The following CADM2 variants were observed in gnomAD, a reference collection of about 807,000 sequenced individuals.
CADM2 encodes the protein immunoglobulin superfamily member 4D.
A neutral mutation model predicts 49.8 loss-of-function variants in CADM2; 12 were observed. That is an observed-to-expected ratio of 0.24 (90% CI 0.15 to 0.39). CADM2 has a LOEUF of 0.39. Ranked by LOEUF, CADM2 falls within the 10% of genes least tolerant of loss-of-function variation. CADM2 has a pLI of 1.00. For missense variants in CADM2, 378 were observed against 492.3 expected (o/e 0.77, Z 2.20); for synonymous variants, 214 against 175.4 (o/e 1.22, Z -1.74).
chr3:85,980,670 A>G (rs1227503999), intron 8 of CADM2, among the ~76,000 whole-genome samples: 1 of 151,592 alleles, frequency 6.6e-6, no homozygotes, highest in African/African-American at 2.4e-5. Context: ...TTATAATATT[A>G]TGTAAAATGA....
At chr3:85,395,296 C>CAAAAAAAAAAA (rs58315220) in intron 1 of CADM2, among the ~76,000 whole-genome samples, 2 of 75,542 alleles carry the variant, frequency 2.6e-5, no homozygotes, top group Non-Finnish European at 5.5e-5. Flanking sequence ...AGACTCCATA[C>CAAAAAAAAAAA]AAAAAAAAAA....
intron 8 of CADM2, among the ~76,000 whole-genome samples, chr3:86,028,302 A>G (rs77620770): frequency 0.029 from 4,427 of 152,088 alleles, 123 homozygotes; most frequent in African/African-American, 0.067. Context: ...AGGTAAATTC[A>G]TTTATACACT....
intron 1 of CADM2, among the ~76,000 whole-genome samples, chr3:85,505,298 T>G (rs2040298226): frequency 6.6e-6 from 1 of 152,244 alleles, no homozygotes; most frequent in African/African-American, 2.4e-5. Context: ...GTTCAGTATA[T>G]ATGCGTATAT....
At chr3:85,134,042 G>A (rs977583149) in intron 1 of CADM2, among the ~76,000 whole-genome samples, 44 of 152,166 alleles carry the variant, frequency 2.9e-4, no homozygotes, top group Non-Finnish European at 4.9e-4. Flanking sequence ...GAAATCGAGC[G>A]CAGCGCCGGT....
At chr3:85,943,576 C>T (rs1333804509) in intron 7 of CADM2, among the ~76,000 whole-genome samples, 3 of 151,352 alleles carry the variant, frequency 2.0e-5, no homozygotes, top group East Asian at 2.0e-4. Flanking sequence ...TTCCCAGCAC[C>T]ATTTATTAAA....
chr3:85,048,073 C>T (rs752574560), intron 1 of CADM2, among the ~76,000 whole-genome samples: 1 of 151,806 alleles, frequency 6.6e-6, no homozygotes, highest in Non-Finnish European at 1.5e-5. Flanking sequence ...GCTCCAAATA[C>T]TTTTTTTTCA....
At chr3:85,333,366 G>A (rs747935192) in intron 1 of CADM2, among the ~76,000 whole-genome samples, 5 of 151,858 alleles carry the variant, frequency 3.3e-5, no homozygotes, top group South Asian at 2.1e-4. Context: ...GAAAAAAAAT[G>A]TTAGATAAGT....
intron 8 of CADM2, chr3:85,979,293 G>A (rs1417854208): frequency 6.2e-7 from 1 of 1,608,490 alleles, no homozygotes; most frequent in African/African-American, 1.3e-5. Context: ...GGTACAGTAT[G>A]TTTCTTTGTT....
intron 1 of CADM2, among the ~76,000 whole-genome samples, chr3:85,495,253 C>T (rs2039840144): frequency 6.6e-6 from 1 of 152,086 alleles, no homozygotes. Flanking sequence ...TTCTTCTCTT[C>T]CATGAATAAC....
chr3:84,975,248 C>CT (rs2031742131), intron 1 of CADM2, among the ~76,000 whole-genome samples: 1 of 151,630 alleles, frequency 6.6e-6, no homozygotes, highest in Admixed American at 6.6e-5. Context: ...AACAAACAAA[C>CT]AAAGTTATTT....
chr3:85,033,243 G>A (rs1303841821), intron 1 of CADM2, among the ~76,000 whole-genome samples: 1 of 152,100 alleles, frequency 6.6e-6, no homozygotes, highest in African/African-American at 2.4e-5. Flanking sequence ...TAAAAATTGG[G>A]TTTATTCCCT....
At chr3:85,931,293 G>A (rs1720556731) in intron 6 of CADM2, among the ~76,000 whole-genome samples, 1 of 152,004 alleles carries the variant, frequency 6.6e-6, no homozygotes, top group African/African-American at 2.4e-5. Context: ...AAGAAAATTA[G>A]CCAGGCATGG....
At chr3:85,779,032 T>C (rs987833384) in intron 2 of CADM2, among the ~76,000 whole-genome samples, 2 of 152,156 alleles carry the variant, frequency 1.3e-5, no homozygotes, top group Non-Finnish European at 2.9e-5. Flanking sequence ...TTAGATTTAA[T>C]TGATGTTAAA....
intron 1 of CADM2, among the ~76,000 whole-genome samples, chr3:85,080,300 C>A (rs2107498456): frequency 6.6e-6 from 1 of 151,988 alleles, no homozygotes; most frequent in South Asian, 2.1e-4. Flanking sequence ...ACTGTGTAGT[C>A]ACTTTAGCGG....
chr3:85,184,129 A>G (rs1374882749), intron 1 of CADM2, among the ~76,000 whole-genome samples: 1 of 152,092 alleles, frequency 6.6e-6, no homozygotes, highest in Non-Finnish European at 1.5e-5. Context: ...GTTAAGATGT[A>G]TGTGTGAGAG....
At chr3:85,639,493 T>G (rs891972531) in intron 1 of CADM2, among the ~76,000 whole-genome samples, 3 of 152,162 alleles carry the variant, frequency 2.0e-5, no homozygotes, top group Non-Finnish European at 2.9e-5. Flanking sequence ...AGGTATTAAG[T>G]TCAGTCAACT....
chr3:85,909,778 C>A (rs1717313667), intron 5 of CADM2, among the ~76,000 whole-genome samples: 1 of 152,122 alleles, frequency 6.6e-6, no homozygotes, highest in Non-Finnish European at 1.5e-5. Context: ...ATAAACTATA[C>A]AATGTAAAGA....
At chr3:85,276,052 A>G (rs1388885718) in intron 1 of CADM2, among the ~76,000 whole-genome samples, 2 of 151,396 alleles carry the variant, frequency 1.3e-5, no homozygotes, top group Non-Finnish European at 3.0e-5. Flanking sequence ...AATAATATCA[A>G]GATGCTTATT....
At chr3:85,676,321 G>A (rs75469621) in intron 1 of CADM2, among the ~76,000 whole-genome samples, 1,784 of 152,136 alleles carry the variant, frequency 0.012, 39 homozygotes, top group African/African-American at 0.041. Context: ...TAGAAAACTC[G>A]AATTCCATTT....
Sources: allele counts gnomAD v4.1 joint callset (sites outside exome capture counted in the v4.1 genomes callset), GRCh38; gene constraint gnomAD v4.1.1; transcripts MANE v1.5; gene names NCBI Gene and HGNC (gene_info 2026-07-23, HGNC 2026-07-21).